Variants in BIRC7 observed in about 807,000 individuals in gnomAD.
BIRC7 encodes baculoviral IAP repeat containing 7.
A neutral mutation model predicts 33.2 loss-of-function variants in BIRC7; 26 were observed. The ratio of observed to expected loss-of-function variants is 0.78; its 90% CI spans 0.57 to 1.09. The LOEUF (loss-of-function observed/expected upper bound fraction) is 1.09. Ranked by LOEUF, BIRC7 falls within the 50% of genes least tolerant of loss-of-function variation. The probability of loss-of-function intolerance (pLI) is 0.00; values close to 1 mark genes in which losing one functional copy is unlikely to be tolerated. For missense variants in BIRC7, 409 were observed against 401.2 expected, an observed-to-expected ratio of 1.02 and a Z score of -0.17; for synonymous variants, 176 against 171.0, an observed-to-expected ratio of 1.03 and a Z score of -0.23.
At position 63,235,991 on chromosome 20, in the gene BIRC7, G is replaced by A. The variant is rs557873397; in HGVS notation, c.-106G>A. 6.6e-6 allele frequency: 9 copies of A among 1,360,492 alleles called. No homozygotes were observed. The highest frequency in any genetic ancestry group is 2.5e-5 in the East Asian group (1 of 39,326). The allele number at this position is 1,360,492 out of a possible 1,614,324, so 84.3% of individuals were successfully genotyped here. A position where few individuals can be genotyped will look rare whatever the true frequency, so the allele number is the denominator to read the frequency against. On this transcript the variant is annotated 5_prime_UTR_variant, in exon 1 of 7. Coordinates refer to ENST00000217169, the MANE Select transcript of BIRC7 (RefSeq NM_139317.3). The stretch of plus-strand genomic sequence containing the variant: ...TGCCTATCCCTGCTGTCCCCAGGGT[G>A]GGCCCCGGGGGTCAGGAGCTCCAGA...
At chr20:63,236,505 C>T in intron 1 of BIRC7, 60 bp downstream of exon 1, 1 of 1,482,380 alleles carries the variant, frequency 6.7e-7, no homozygotes, top group Non-Finnish European at 8.9e-7. Flanking sequence ...TGGACCCTTC[C>T]AGCCCAGGGC....
chr20:63,236,278 C>T lies in BIRC7; in HGVS notation c.182C>T (p.Pro61Leu), dbSNP rs758054106. 9.3e-6 allele frequency: 15 copies of T among 1,610,964 alleles called. No homozygotes were observed. In the South Asian group the frequency reaches 1.1e-4, roughly 12 times the overall value. ...VDGQILGQLR[P>L]LTEEEEEEGA... is the part of the protein sequence containing the mutation. ...GGGCAGATCCTGGGCCAGCTGCGGC[C>T]CCTGACAGAGGAGGAAGAGGAGGAG... is the stretch of plus-strand genomic sequence containing the variant. The change falls in exon 1 of 7, where the codon CCC (proline) becomes CTC (leucine). Residue 61 changes from proline (P) to leucine (L), a missense_variant. Pro to Leu is a moderately conservative substitution (Grantham distance 98). Transcript: ENST00000217169.
Position 63,236,001 on chromosome 20 carries a change from G to C in BIRC7, c.-96G>C, listed in dbSNP as rs2066685338. 8 of 1,426,596 alleles carry C rather than the reference G, an allele frequency of 5.6e-6. No homozygotes were observed. Among genetic ancestry groups the C allele is most frequent in the Non-Finnish European group, 7.5e-6 (8 of 1,070,852 alleles). The allele number at this position is 1,426,596 out of a possible 1,614,324, so 88.4% of individuals were successfully genotyped here. A position where few individuals can be genotyped will look rare whatever the true frequency, so the allele number is the denominator to read the frequency against. On this transcript the variant is annotated 5_prime_UTR_variant, in exon 1 of 7. Transcript: ENST00000217169. ...TGCTGTCCCCAGGGTGGGCCCCGGG[G>C]GTCAGGAGCTCCAGAAGGGCCAGCT...
Position 63,236,335 on chromosome 20 carries a change from C to A in BIRC7, c.239C>A (p.Ala80Asp). The change falls in exon 1 of 7, where the codon GCC becomes GAC. Residue 80 changes from alanine to aspartate, a missense_variant. Ala to Asp is a moderately radical substitution (Grantham distance 126). Coordinates refer to ENST00000217169, the MANE Select transcript of BIRC7 (RefSeq NM_139317.3). Reference protein sequence around the residue: ...GAGATLSRGPAFPGMGSEELR... With the variant: ...GAGATLSRGPDFPGMGSEELR... Reference sequence around the variant, plus strand: ...GGGGCCACCTTGTCCAGGGGGCCTGCCTTCCCCGGCATGGGCTCTGAGGAG... The same window carrying A: ...GGGGCCACCTTGTCCAGGGGGCCTGACTTCCCCGGCATGGGCTCTGAGGAG... 1 of 1,604,618 alleles carries A rather than the reference C, an allele frequency of 6.2e-7. No individual in the cohort carries two copies. The highest frequency in any genetic ancestry group is 1.1e-5 in the South Asian group (1 of 90,802).
intron 4 of BIRC7, 152 bp downstream of exon 4, chr20:63,238,766 C>A: frequency 9.2e-7 from 1 of 1,090,192 alleles, no homozygotes. Flanking sequence ...CTTCAGGGGG[C>A]TGTGCCATGT....
At chr20:63,237,846 C>CT in intron 1 of BIRC7, 57 bp from the exon 2 acceptor site, 1 of 1,473,362 alleles carries the variant, frequency 6.8e-7, no homozygotes, top group Non-Finnish European at 9.1e-7. Context: ...AAGGACACAC[C>CT]GGGGGCCCGG....
chr20:63,239,233 G>C lies in BIRC7; in HGVS notation c.649G>C (p.Gly217Arg). 6.3e-7 allele frequency: 1 copy of C among 1,592,648 alleles called. No homozygotes were observed. The highest frequency in any genetic ancestry group is 1.1e-5 in the South Asian group (1 of 89,968). The stretch of plus-strand genomic sequence containing the variant: ...CCAGTCTGAAAGTGCCCAGGAGCCA[G>C]GTGCAGGCCCGGGACCCCCTGGGTG... ...EVQSESAQEP[G>R]GVSPAEAQRA... Residue 217 changes from glycine to arginine, a missense_variant and splice_region_variant, in exon 5 of 7, where the codon GGA (glycine) becomes CGA (arginine). Gly to Arg is a moderately radical substitution (Grantham distance 125). Coordinates refer to ENST00000217169, the MANE Select transcript of BIRC7 (RefSeq NM_139317.3).
At chr20:63,239,870 C>A (rs2273492) in intron 6 of BIRC7, among the ~76,000 whole-genome samples, 1 of 152,118 alleles carries the variant, frequency 6.6e-6, no homozygotes, top group Non-Finnish European at 1.5e-5. Context: ...CGCCTGCTGG[C>A]TCCTCTCAGC....
intron 4 of BIRC7, 35 bp downstream of exon 4, chr20:63,238,649 G>A: frequency 2.5e-6 from 4 of 1,610,414 alleles, no homozygotes; most frequent in Non-Finnish European, 3.4e-6. Context: ...GACTCCTTGT[G>A]CGCCTGCAGC....
rs2066719139 is a variant in BIRC7 at position 63,239,538 on chromosome 20, C to A, written c.830C>A (p.Pro277His). ...CACCTGGTCTGTGCTGAGTGTGCCC[C>A]CGGCCTGCAGCTGTGCCCCATCTGC... ...CGHLVCAECA[P>H]GLQLCPICRA... The change falls in exon 6 of 7, where the codon CCC (proline) becomes CAC (histidine). Residue 277 changes from proline to histidine, a missense_variant. Transcript: ENST00000217169. 2 of 1,604,180 alleles carry A rather than the reference C, an allele frequency of 1.2e-6. No homozygotes were observed. Among genetic ancestry groups the A allele is most frequent in the Admixed American group, 3.3e-5 (2 of 59,968 alleles).
At chr20:63,237,314 G>A (rs1349110415) in intron 1 of BIRC7, among the ~76,000 whole-genome samples, 1 of 152,222 alleles carries the variant, frequency 6.6e-6, no homozygotes, top group Non-Finnish European at 1.5e-5. Context: ...TGCAGAGCCG[G>A]GGTCTTTGGG....
chr20:63,239,305 C>A (rs1327740948), intron 5 of BIRC7, 53 bp from the exon 6 acceptor site: 1 of 1,605,370 alleles, frequency 6.2e-7, no homozygotes, highest in Non-Finnish European at 8.5e-7. Context: ...TTCCATGGCC[C>A]ATAGAGGGTG....
chr20:63,239,782 G>A (rs2066722588), intron 6 of BIRC7, among the ~76,000 whole-genome samples, 172 bp downstream of exon 6: 2 of 152,218 alleles, frequency 1.3e-5, no homozygotes, highest in African/African-American at 2.4e-5. Context: ...TACCTCCCTT[G>A]ACGCTTAGGT....
At chr20:63,236,473 G>A in intron 1 of BIRC7, 28 bp downstream of exon 1, 1 of 1,505,500 alleles carries the variant, frequency 6.6e-7, no homozygotes, top group Non-Finnish European at 8.8e-7. Flanking sequence ...GGGCCTTCCT[G>A]CCGTGGGCCT....
At position 63,239,424 on chromosome 20, in the gene BIRC7, T is replaced by A. The variant is rs759028214; in HGVS notation, c.716T>A (p.Val239Glu). The A allele has an allele frequency of 3.1e-6, 5 of 1,606,282 alleles. No homozygotes were observed. The Admixed American group carries it at 6.7e-5, about 21-fold the overall frequency. ...WVLEPPGARD[V>E]EAQLRRLQEE... ...CTTGAGCCCCCAGGAGCCAGGGATG[T>A]GGAGGCGCAGCTGCGGCGGCTGCAG... Residue 239 changes from valine to glutamate, a missense_variant, in exon 6 of 7, where the codon GTG becomes GAG. Physicochemically the swap from Val to Glu is moderately radical, Grantham distance 121 (BLOSUM62 -2). Transcript: ENST00000217169.
chr20:63,238,848 C>T (rs1253511469), intron 4 of BIRC7: 2 of 651,724 alleles, frequency 3.1e-6, no homozygotes, highest in Non-Finnish European at 5.2e-6. Context: ...CAGCTTACCC[C>T]TTGGGCACAG....
In BIRC7 at chr20:63,239,461, G is replaced by A. The variant is rs774251492; in HGVS notation, c.753G>A (p.Thr251=). 20 of 1,606,870 alleles carry A rather than the reference G, an allele frequency of 1.2e-5. No homozygotes were observed. The highest frequency in any genetic ancestry group is 2.2e-5 in the South Asian group (2 of 91,084). ...TGCGGCGGCTGCAGGAGGAGAGGACGTGCAAGGTGTGCCTGGACCGCGCCG... is the reference window on the plus strand; with the variant it reads ...TGCGGCGGCTGCAGGAGGAGAGGACATGCAAGGTGTGCCTGGACCGCGCCG... The part of the protein sequence containing the change: ...AQLRRLQEER[T]CKVCLDRAVS... Residue 251 remains threonine (T), a synonymous_variant, in exon 6 of 7, where the codon ACG becomes ACA. Coordinates refer to ENST00000217169, the MANE Select transcript of BIRC7 (RefSeq NM_139317.3).
In BIRC7 at chr20:63,235,907, T is replaced by C; in HGVS notation, c.-190T>C. The C allele has an allele frequency of 1.4e-6, 1 of 711,188 alleles. No homozygotes were observed. Among genetic ancestry groups the C allele is most frequent in the Non-Finnish European group, 2.2e-6 (1 of 463,336 alleles). 44.1% of individuals were successfully genotyped at this position (711,188 alleles called of 1,614,324 possible). On this transcript the variant is annotated 5_prime_UTR_variant, in exon 1 of 7. Transcript: ENST00000217169. ...TGACCCCAGAGGCCACCCTGGCCAC[T>C]TCCAGAAAGCTGTGGGCCCTGGGAT... is the stretch of plus-strand genomic sequence containing the variant.
chr20:63,239,024 A>T lies in BIRC7; in HGVS notation c.578-138A>T, dbSNP rs2066712011. 5 of 863,468 alleles carry T rather than the reference A, an allele frequency of 5.8e-6. No homozygotes were observed. In the East Asian group the frequency reaches 1.3e-4, roughly 22 times the overall value. The allele number at this position is 863,468 out of a possible 1,614,324, so 53.5% of individuals were successfully genotyped here. On this transcript the variant is annotated intron_variant, in intron 4 of 6. Coordinates refer to ENST00000217169, the MANE Select transcript of BIRC7 (RefSeq NM_139317.3). Reference sequence around the variant, plus strand: ...GTTATGCTGTGGGAGGGGTGGGAAGAAGTGTCGGGAGCGGGGATACTCTGC... The same window carrying T: ...GTTATGCTGTGGGAGGGGTGGGAAGTAGTGTCGGGAGCGGGGATACTCTGC...
Sources: allele counts gnomAD v4.1 joint callset (sites outside exome capture counted in the v4.1 genomes callset), GRCh38; gene constraint gnomAD v4.1.1; transcripts MANE v1.5; gene names NCBI Gene and HGNC (gene_info 2026-07-23, HGNC 2026-07-21).